LPP: variants seen among roughly 807,000 people sequenced by gnomAD.
LPP encodes the protein lipoma-preferred partner.
Under a neutral mutation model 60.4 loss-of-function variants are expected in LPP, and 38 were observed. The ratio of observed to expected loss-of-function variants is 0.63; its 90% CI spans 0.49 to 0.83. The LOEUF is 0.83. LPP is among the 40% of genes least tolerant of loss of function. LPP has a pLI of 0.00. For synonymous variants in LPP, 328 were observed against 290.8 expected (o/e 1.13, Z -1.30); for missense variants, 902 against 783.6 (o/e 1.15, Z -1.80).
chr3:188,457,618 T>C (rs961404295), intron 4 of LPP, among the ~76,000 whole-genome samples: 2 of 151,522 alleles, frequency 1.3e-5, no homozygotes, highest in Admixed American at 6.6e-5. Context: ...TAAGGCCAGG[T>C]GCGGTGGCTC....
intron 5 of LPP, among the ~76,000 whole-genome samples, chr3:188,518,182 A>AACAT (rs34965455): frequency 0.046 from 7,000 of 151,190 alleles, 238 homozygotes; most frequent in Non-Finnish European, 0.07. Flanking sequence ...CAGACTAACA[A>AACAT]ACATAGTGTG....
intron 2 of LPP, among the ~76,000 whole-genome samples, chr3:188,298,291 C>T (rs1209717564): frequency 6.6e-6 from 1 of 152,108 alleles, no homozygotes; most frequent in African/African-American, 2.4e-5. Flanking sequence ...GAATGGATGC[C>T]GTTCTGTTAT....
chr3:188,768,620 AAGT>A (rs577779268), intron 9 of LPP, among the ~76,000 whole-genome samples: 19 of 152,218 alleles, frequency 1.2e-4, no homozygotes, highest in Non-Finnish European at 7.3e-5. Context: ...AATAAGCTCT[AAGT>A]AGTATTTACA....
chr3:188,383,498 C>A (rs867219356), intron 3 of LPP, among the ~76,000 whole-genome samples: 3 of 152,088 alleles, frequency 2.0e-5, no homozygotes, highest in Non-Finnish European at 4.4e-5. Context: ...AAGATGTATA[C>A]TATATATGGA....
At position 188,442,239 on chromosome 3, in the gene LPP, C is replaced by T. The variant is rs1170701517; in HGVS notation, c.193+35926C>T. 5.9e-5 allele frequency among the ~76,000 whole-genome samples: 9 copies of T among 152,266 alleles called. No individual in the cohort carries two copies. In the South Asian group the frequency reaches 8.3e-4, roughly 14 times the overall value. On this transcript the variant is annotated intron_variant, in intron 4 of 11. Coordinates refer to ENST00000617246, the MANE Select transcript of LPP (RefSeq NM_001375462.1). ...GCTGCACCCATCAACTCGTCATTTACGTTAGGTATTTCTCCTAACGCTATC... is the reference window on the plus strand; with the variant it reads ...GCTGCACCCATCAACTCGTCATTTATGTTAGGTATTTCTCCTAACGCTATC...
intron 9 of LPP, among the ~76,000 whole-genome samples, chr3:188,825,657 G>T (rs1038535151): frequency 4.6e-5 from 7 of 152,004 alleles, no homozygotes; most frequent in African/African-American, 1.4e-4. Context: ...CCAGCCCAGG[G>T]TCACCACAGC....
intron 1 of LPP, among the ~76,000 whole-genome samples, chr3:188,196,668 A>G (rs979158688): frequency 6.6e-6 from 1 of 152,188 alleles, no homozygotes. Flanking sequence ...TGTTTTTAAA[A>G]TCCTTCAATG....
At position 188,887,254 on chromosome 3, in the gene LPP, T is replaced by G; in HGVS notation, c.*12775T>G. On this transcript the variant is annotated 3_prime_UTR_variant, in exon 12 of 12. Transcript: ENST00000617246. The stretch of plus-strand genomic sequence containing the variant: ...AAGAGCTAGCTTTTCTTAGATACAT[T>G]TCTTCCTTTTTTATTCTTTCTTGGG... The G allele has an allele frequency of 4.6e-6, 1 of 219,618 alleles. No homozygotes were observed. The highest frequency in any genetic ancestry group is 5.8e-5 in the Admixed American group (1 of 17,374). The allele number at this position is 219,618 out of a possible 1,614,324, so 13.6% of individuals were successfully genotyped here.
At chr3:188,822,645 C>T (rs530469954) in intron 9 of LPP, among the ~76,000 whole-genome samples, 16 of 152,232 alleles carry the variant, frequency 1.1e-4, no homozygotes, top group African/African-American at 3.9e-4. Flanking sequence ...TTCTTATTGC[C>T]TTACCCATTC....
At chr3:188,441,947 T>C (rs896406508) in intron 4 of LPP, among the ~76,000 whole-genome samples, 1 of 152,012 alleles carries the variant, frequency 6.6e-6, no homozygotes, top group Non-Finnish European at 1.5e-5. Flanking sequence ...AGTTTCTAAT[T>C]GCGTATGTGT....
chr3:188,816,684 C>G (rs1382744224), intron 9 of LPP, among the ~76,000 whole-genome samples: 1 of 152,182 alleles, frequency 6.6e-6, no homozygotes, highest in African/African-American at 2.4e-5. Context: ...CTGAAATTCT[C>G]TGCTATTTAG....
chr3:188,606,467 G>T (rs1221169914), intron 6 of LPP, among the ~76,000 whole-genome samples: 1 of 151,970 alleles, frequency 6.6e-6, no homozygotes, highest in South Asian at 2.1e-4. Flanking sequence ...GTTGGTTTTT[G>T]TGTTTTGTTT....
intron 7 of LPP, among the ~76,000 whole-genome samples, chr3:188,623,676 G>A (rs192979274): frequency 6.6e-6 from 1 of 152,318 alleles, no homozygotes; most frequent in Admixed American, 6.5e-5. Context: ...GCCTGCTTGC[G>A]AAAGTATGTT....
intron 9 of LPP, among the ~76,000 whole-genome samples, chr3:188,803,712 A>T (rs1271560615): frequency 1.3e-5 from 2 of 152,224 alleles, no homozygotes; most frequent in African/African-American, 4.8e-5. Context: ...CTGTGTGGGC[A>T]ATTATCATTT....
At chr3:188,343,068 T>G (rs190344392) in intron 3 of LPP, among the ~76,000 whole-genome samples, 166 of 152,286 alleles carry the variant, frequency 1.1e-3, no homozygotes, top group Admixed American at 1.4e-3. Flanking sequence ...ATGCAGGATT[T>G]TTACGTAGGT....
chr3:188,659,965 A>G (rs1046139066), intron 7 of LPP, among the ~76,000 whole-genome samples: 3 of 152,038 alleles, frequency 2.0e-5, no homozygotes, highest in African/African-American at 7.2e-5. Context: ...TATGTGTAAC[A>G]GGAGTGAGCT....
At chr3:188,798,592 T>A (rs1746066030) in intron 9 of LPP, among the ~76,000 whole-genome samples, 1 of 152,234 alleles carries the variant, frequency 6.6e-6, no homozygotes, top group Non-Finnish European at 1.5e-5. Flanking sequence ...CTGGACATAC[T>A]GCAGTTCTTT....
At chr3:188,728,252 A>G (rs1454489043) in intron 8 of LPP, among the ~76,000 whole-genome samples, 2 of 152,228 alleles carry the variant, frequency 1.3e-5, no homozygotes, top group African/African-American at 2.4e-5. Flanking sequence ...AAAGTTGACA[A>G]TTACTGATCT....
chr3:188,411,091 A>G (rs1784788930), intron 4 of LPP, among the ~76,000 whole-genome samples: 1 of 152,154 alleles, frequency 6.6e-6, no homozygotes, highest in Non-Finnish European at 1.5e-5. Context: ...AGTATCCCAT[A>G]GTGTATATAT....
Sources: allele counts gnomAD v4.1 joint callset (sites outside exome capture counted in the v4.1 genomes callset), GRCh38; gene constraint gnomAD v4.1.1; transcripts MANE v1.5; gene names NCBI Gene and HGNC (gene_info 2026-07-23, HGNC 2026-07-21).